Variants in SH3KBP1 observed in about 807,000 individuals in gnomAD.
The protein encoded by SH3KBP1 is SH3 domain containing kinase binding protein 1, also known as SH3 domain-containing kinase-binding protein 1.
In SH3KBP1, 8 loss-of-function variants were observed where a neutral mutation model predicts 50.1. The ratio of observed to expected loss-of-function variants is 0.16; its 90% confidence interval spans 0.09 to 0.29. SH3KBP1 has a LOEUF of 0.29. Ranked by LOEUF, SH3KBP1 falls within the 10% of genes least tolerant of loss-of-function variation. The pLI, the probability that SH3KBP1 is intolerant of heterozygous loss-of-function variation, is 1.00. For synonymous variants in SH3KBP1, 227 were observed against 218.6 expected (o/e 1.04, Z -0.34); for missense variants, 377 against 535.2 (o/e 0.70, Z 2.92).
intron 12 of SH3KBP1, among the ~76,000 whole-genome samples, chrX:19,569,752 G>A (rs926028281): frequency 9.0e-6 from 1 of 111,680 alleles, no homozygotes; most frequent in Non-Finnish European, 1.9e-5. Context: ...GGTGCCCCAT[G>A]CTCATCAGGA....
At position 19,666,342 on chromosome X, in the gene SH3KBP1, A is replaced by T. The variant is rs1377126399; in HGVS notation, c.726+17481T>A. Among the ~76,000 whole-genome samples, 4 of 111,315 alleles carry T rather than the reference A, an allele frequency of 3.6e-5. No homozygotes were observed. The East Asian group carries it at 1.1e-3, about 31-fold the overall frequency. On this transcript the variant is annotated intron_variant, in intron 6 of 17. Coordinates refer to ENST00000397821, the MANE Select transcript of SH3KBP1 (RefSeq NM_031892.3). ...TCTACTCTCCAACAAACCTTTGACT[A>T]TAGATTCAGGTAAGCGGATGGGGCA... is the stretch of plus-strand genomic sequence containing the variant.
At chrX:19,636,351 A>G (rs775252457) in intron 7 of SH3KBP1, among the ~76,000 whole-genome samples, 4 of 109,966 alleles carry the variant, frequency 3.6e-5, no homozygotes, top group Non-Finnish European at 7.6e-5. Context: ...AAAACACAAC[A>G]CAACAAACCA....
chrX:19,682,681 GA>G (rs779039276), intron 6 of SH3KBP1, among the ~76,000 whole-genome samples: 1 of 107,995 alleles, frequency 9.3e-6, no homozygotes. Flanking sequence ...CTTCAACATT[GA>G]AAAAAAAAGT....
intron 3 of SH3KBP1, among the ~76,000 whole-genome samples, chrX:19,726,682 A>G (rs1029241694): frequency 1.8e-5 from 2 of 111,546 alleles, no homozygotes; most frequent in Non-Finnish European, 3.8e-5. Context: ...CACTTGACAC[A>G]GCGCAAGTCC....
chrX:19,883,442 T>C (rs761752112), intron 1 of SH3KBP1, among the ~76,000 whole-genome samples: 1 of 112,373 alleles, frequency 8.9e-6, no homozygotes, highest in Non-Finnish European at 1.9e-5. Flanking sequence ...GTGCTTAGCA[T>C]TGAACAACAG....
At chrX:19,772,048 T>G (rs1238568127) in intron 2 of SH3KBP1, among the ~76,000 whole-genome samples, 1 of 111,009 alleles carries the variant, frequency 9.0e-6, no homozygotes, top group Admixed American at 9.6e-5. Flanking sequence ...TTCTGGTTCC[T>G]GCCTGCATTT....
At chrX:19,545,882 T>A in intron 15 of SH3KBP1, 40 bp downstream of exon 15, 1 of 1,200,394 alleles carries the variant, frequency 8.3e-7, no homozygotes, top group Non-Finnish European at 1.1e-6. Flanking sequence ...AGCACATGCA[T>A]GAAATGACAG....
intron 2 of SH3KBP1, among the ~76,000 whole-genome samples, chrX:19,750,077 T>C (rs914583432): frequency 5.4e-5 from 6 of 111,233 alleles, no homozygotes; most frequent in Non-Finnish European, 9.4e-5. Context: ...TTTTTTTTCT[T>C]TTGAGACAGT....
intron 5 of SH3KBP1, 94 bp from the exon 6 acceptor site, chrX:19,684,122 G>T: frequency 1.5e-6 from 1 of 656,189 alleles, no homozygotes; most frequent in Non-Finnish European, 2.4e-6. Context: ...ACCTCTAAAA[G>T]TGTGACTGGG....
In SH3KBP1 at chrX:19,545,968, C is replaced by A. The variant is rs1394474163; in HGVS notation, c.1577G>T (p.Gly526Val). 8.3e-7 allele frequency: 1 copy of A among 1,210,842 alleles called. No homozygotes were observed. Among genetic ancestry groups the A allele is most frequent in the South Asian group, 1.8e-5 (1 of 56,942 alleles). Residue 526 changes from glycine (G) to valine (V), a missense_variant, in exon 15 of 18, where the codon GGA (glycine) becomes GTA (valine). By Grantham distance (109) the Gly-to-Val change is moderately radical (BLOSUM62 -3). This residue lies in a region of SH3KBP1 where 110 missense variants were observed against 124.1 expected (regional missense o/e 0.89). Transcript: ENST00000397821. Reference sequence around the variant, plus strand: ...GGAAGTTTTCTTTGACGCGTCCACTCCTCTGTGCGCAAGTGAAATGTGTTC... The same window carrying A: ...GGAAGTTTTCTTTGACGCGTCCACTACTCTGTGCGCAAGTGAAATGTGTTC... ...KEEHISLAHR[G>V]VDASKKTSKT...
intron 2 of SH3KBP1, among the ~76,000 whole-genome samples, chrX:19,792,023 A>G (rs1429044187): frequency 4.5e-5 from 5 of 111,764 alleles, no homozygotes; most frequent in African/African-American, 1.6e-4. Flanking sequence ...GGTAACTTCT[A>G]GAAGGAAAAA....
intron 2 of SH3KBP1, among the ~76,000 whole-genome samples, chrX:19,784,442 A>G (rs2066275163): frequency 9.0e-6 from 1 of 111,218 alleles, no homozygotes; most frequent in African/African-American, 3.3e-5. Flanking sequence ...CCAGAATGTT[A>G]TTTTAAGAAA....
chrX:19,652,381 C>T (rs1172888267), intron 6 of SH3KBP1, among the ~76,000 whole-genome samples: 2 of 111,392 alleles, frequency 1.8e-5, no homozygotes, highest in Non-Finnish European at 3.8e-5. Context: ...CCAAATACTC[C>T]TCATATTAGC....
intron 3 of SH3KBP1, among the ~76,000 whole-genome samples, chrX:19,710,832 T>C (rs1603077359): frequency 9.0e-6 from 1 of 110,618 alleles, no homozygotes; most frequent in Non-Finnish European, 1.9e-5. Context: ...GATACCACAA[T>C]AGCCGATCTA....
At chrX:19,551,967 G>T (rs1422378379) in intron 13 of SH3KBP1, among the ~76,000 whole-genome samples, 1 of 111,621 alleles carries the variant, frequency 9.0e-6, no homozygotes, top group Non-Finnish European at 1.9e-5. Context: ...ACACGAAATT[G>T]TAACAACGAA....
At chrX:19,681,915 A>T (rs1229978602) in intron 6 of SH3KBP1, among the ~76,000 whole-genome samples, 1 of 110,936 alleles carries the variant, frequency 9.0e-6, no homozygotes, top group East Asian at 2.8e-4. Flanking sequence ...CTCCAGGGGG[A>T]TGGGGAGAGG....
intron 8 of SH3KBP1, among the ~76,000 whole-genome samples, chrX:19,625,431 GAAGA>G (rs1246824308): frequency 1.2e-4 from 13 of 110,724 alleles, no homozygotes; most frequent in Non-Finnish European, 2.3e-4. Context: ...GAAGAAACTG[GAAGA>G]AAGCAGTTGG....
chrX:19,852,614 T>G (rs1443630334), intron 1 of SH3KBP1, among the ~76,000 whole-genome samples: 2 of 100,118 alleles, frequency 2.0e-5, no homozygotes, highest in East Asian at 6.0e-4. Flanking sequence ...GAGACATATG[T>G]TCCAGATACT....
intron 16 of SH3KBP1, 149 bp downstream of exon 16, chrX:19,541,776 C>G: frequency 3.2e-6 from 2 of 620,317 alleles, no homozygotes; most frequent in East Asian, 3.3e-5. Context: ...CTCTCGGGGT[C>G]TACACGCACT....
Sources: allele counts gnomAD v4.1 joint callset (sites outside exome capture counted in the v4.1 genomes callset), GRCh38; gene constraint gnomAD v4.1.1; regional missense constraint gnomAD v4.1.1; transcripts MANE v1.5; gene names NCBI Gene and HGNC (gene_info 2026-07-23, HGNC 2026-07-21).